The following CSMD3 variants were observed in gnomAD, a reference collection of about 807,000 sequenced individuals.
The protein encoded by CSMD3 is CUB and Sushi multiple domains 3, also known as CUB and sushi domain-containing protein 3.
Under a neutral mutation model 435.2 loss-of-function variants are expected in CSMD3, and 177 were observed. The observed-to-expected ratio is 0.41, with a 90% CI of 0.36 to 0.46. CSMD3 has a LOEUF of 0.46. Among genes scored for constraint, CSMD3 ranks in the 20% least tolerant of loss-of-function variants. The probability of loss-of-function intolerance (pLI) is 0.34; values close to 1 mark genes in which losing one functional copy is unlikely to be tolerated. For synonymous variants in CSMD3, 1,656 were observed against 1,520.5 expected (o/e 1.09, Z -2.07); for missense variants, 4,265 against 4,504.6 (o/e 0.95, Z 1.52).
intron 38 of CSMD3, among the ~76,000 whole-genome samples, chr8:112,355,861 AT>A (rs1449125422): frequency 2.0e-5 from 3 of 152,202 alleles, no homozygotes; most frequent in South Asian, 2.1e-4. Context: ...AAATAAAAAA[AT>A]AAAAAGTGGA....
chr8:112,822,867 G>A (rs1201325156), intron 12 of CSMD3, among the ~76,000 whole-genome samples: 2 of 152,044 alleles, frequency 1.3e-5, no homozygotes, highest in Non-Finnish European at 1.5e-5. Context: ...TGTATTGAAG[G>A]CCTTTTCTGC....
rs777359296 is a variant in CSMD3 at position 113,024,378 on chromosome 8, C to T, written c.918-5199G>A. On this transcript the variant is annotated intron_variant, in intron 5 of 70. Coordinates refer to ENST00000297405, the MANE Select transcript of CSMD3 (RefSeq NM_198123.2). ...TCATACATCATTGGACACTTAGAGTCGATTACTTGACTATTGTGAATAGTG... is the reference window on the plus strand; with the variant it reads ...TCATACATCATTGGACACTTAGAGTTGATTACTTGACTATTGTGAATAGTG... Among the ~76,000 whole-genome samples the T allele has an allele frequency of 2.7e-5, 4 of 150,880 alleles. No individual in the cohort carries two copies. The Admixed American group carries it at 2.7e-4, about 10-fold the overall frequency.
intron 3 of CSMD3, among the ~76,000 whole-genome samples, chr8:113,210,071 A>T (rs190700438): frequency 6.3e-4 from 94 of 148,996 alleles, no homozygotes; most frequent in African/African-American, 2.3e-3. Context: ...CTAATTTTAA[A>T]CTACATCCTT....
At chr8:112,986,363 T>A (rs142469162) in intron 6 of CSMD3, among the ~76,000 whole-genome samples, 1 of 152,232 alleles carries the variant, frequency 6.6e-6, no homozygotes, top group African/African-American at 2.4e-5. Context: ...CAAATATTAA[T>A]CCTTTCAATG....
intron 32 of CSMD3, among the ~76,000 whole-genome samples, chr8:112,430,932 T>C (rs1040853811): frequency 6.6e-6 from 1 of 150,942 alleles, no homozygotes; most frequent in Non-Finnish European, 1.5e-5. Flanking sequence ...TTACTTTCAC[T>C]TGAGGTAATG....
At chr8:112,705,668 T>C (rs1295851483) in intron 13 of CSMD3, among the ~76,000 whole-genome samples, 7 of 151,990 alleles carry the variant, frequency 4.6e-5, no homozygotes, top group African/African-American at 1.7e-4. Context: ...TCTCTGCCCT[T>C]AAAAAGGATA....
chr8:113,366,005 T>G (rs2133022742), intron 1 of CSMD3, among the ~76,000 whole-genome samples: 1 of 152,144 alleles, frequency 6.6e-6, no homozygotes, highest in Middle Eastern at 3.4e-3. Context: ...CCAAGAATAC[T>G]TTTATTCACA....
At chr8:112,330,847 C>G (rs1823978465) in intron 45 of CSMD3, among the ~76,000 whole-genome samples, 1 of 151,956 alleles carries the variant, frequency 6.6e-6, no homozygotes, top group Non-Finnish European at 1.5e-5. Flanking sequence ...TTGTCTGGCA[C>G]TTAATAAGAA....
rs192213902 is a variant in CSMD3, at chr8:112,555,889, G to C, written c.4234+874C>G. ...TTTTTTGTATATCAATTATACCTCA[G>C]TACACCTTCTAAAAATAAAAGATTT... On this transcript the variant is annotated intron_variant, in intron 25 of 70. Transcript: ENST00000297405. Among the ~76,000 whole-genome samples the C allele has an allele frequency of 3.9e-5, 6 of 151,942 alleles. No individual in the cohort carries two copies. The East Asian group carries it at 1.2e-3, about 30-fold the overall frequency.
intron 13 of CSMD3, among the ~76,000 whole-genome samples, chr8:112,784,822 T>A (rs965574331): frequency 6.6e-6 from 1 of 151,882 alleles, no homozygotes; most frequent in Admixed American, 6.6e-5. Flanking sequence ...TCAGTTGATT[T>A]TACCAAATAT....
At chr8:112,708,441 G>A (rs770919081) in intron 13 of CSMD3, among the ~76,000 whole-genome samples, 2 of 151,818 alleles carry the variant, frequency 1.3e-5, no homozygotes, top group African/African-American at 2.4e-5. Context: ...AAGAGCAGAC[G>A]CAAGAAAGGA....
chr8:112,815,257 A>G (rs1352414152), intron 12 of CSMD3, among the ~76,000 whole-genome samples: 1 of 152,174 alleles, frequency 6.6e-6, no homozygotes, highest in African/African-American at 2.4e-5. Context: ...TGAGTTGTCA[A>G]TAATTGTTGT....
intron 32 of CSMD3, among the ~76,000 whole-genome samples, chr8:112,461,239 C>T (rs996522212): frequency 2.0e-5 from 3 of 152,014 alleles, no homozygotes; most frequent in African/African-American, 7.2e-5. Context: ...CAAAAGACTC[C>T]GCCTGTGGCA....
intron 13 of CSMD3, among the ~76,000 whole-genome samples, chr8:112,747,738 G>A (rs1228750492): frequency 1.3e-5 from 2 of 152,114 alleles, no homozygotes; most frequent in Non-Finnish European, 2.9e-5. Flanking sequence ...CACTTTGGGA[G>A]GCCGAGGCAG....
At position 112,976,244 on chromosome 8, in the gene CSMD3, C is replaced by A. The variant is rs957135147; in HGVS notation, c.1031-96G>T. ...AATCAATCATATTCTCTTCTATTACCTTAAGGATAATCAACATGAAGAGGC... is the reference window on the plus strand; with the variant it reads ...AATCAATCATATTCTCTTCTATTACATTAAGGATAATCAACATGAAGAGGC... On this transcript the variant is annotated intron_variant, in intron 6 of 70. Coordinates refer to ENST00000297405, the MANE Select transcript of CSMD3 (RefSeq NM_198123.2). 2.0e-5 allele frequency: 27 copies of A among 1,383,692 alleles called. No homozygotes were observed. In the African/African-American group the frequency reaches 3.8e-4, roughly 19 times the overall value. The allele number at this position is 1,383,692 out of a possible 1,614,324, so 85.7% of individuals were successfully genotyped here. A position where few individuals can be genotyped will look rare whatever the true frequency, so the allele number is the denominator to read the frequency against.
intron 31 of CSMD3, among the ~76,000 whole-genome samples, chr8:112,474,273 G>A (rs1362141488): frequency 6.6e-6 from 1 of 152,282 alleles, no homozygotes. Context: ...CTTTACAGAA[G>A]AAGTTTGCCA....
intron 32 of CSMD3, among the ~76,000 whole-genome samples, chr8:112,443,867 CATTG>C (rs1011730636): frequency 6.6e-6 from 1 of 151,908 alleles, no homozygotes; most frequent in Non-Finnish European, 1.5e-5. Flanking sequence ...TAATATTGCT[CATTG>C]ATTGTTTATT....
chr8:112,559,074 G>T (rs1422818359), intron 24 of CSMD3, among the ~76,000 whole-genome samples: 1 of 151,722 alleles, frequency 6.6e-6, no homozygotes, highest in African/African-American at 2.4e-5. Flanking sequence ...TTTCTACAGG[G>T]TTGGGGCTTT....
intron 12 of CSMD3, among the ~76,000 whole-genome samples, chr8:112,818,118 T>C (rs2079429236): frequency 6.6e-6 from 1 of 151,988 alleles, no homozygotes; most frequent in Non-Finnish European, 1.5e-5. Context: ...ATAGAATAAG[T>C]AATTGATTTT....
Sources: gnomAD v4.1 joint callset for allele counts (sites outside exome capture counted in the v4.1 genomes callset) on GRCh38, gnomAD v4.1.1 for gene constraint, MANE v1.5 for transcripts, NCBI Gene and HGNC (gene_info 2026-07-23, HGNC 2026-07-21) for gene names.